The following RFX8 variants were observed in gnomAD, a reference collection of about 807,000 sequenced individuals.
RFX8 encodes the protein DNA-binding protein RFX8.
A neutral mutation model predicts 54.6 loss-of-function variants in RFX8; 46 were observed. That is an observed-to-expected ratio of 0.84 (90% CI 0.67 to 1.08). RFX8 has a LOEUF of 1.08. RFX8 is among the 50% of genes least tolerant of loss of function. The pLI, the probability that RFX8 is intolerant of heterozygous loss-of-function variation, is 0.00. For synonymous variants in RFX8, 192 were observed against 209.5 expected, an observed-to-expected ratio of 0.92 and a Z score of 0.72; for missense variants, 536 against 562.3, an observed-to-expected ratio of 0.95 and a Z score of 0.47.
At chr2:101,412,655 G>A (rs898296746) in intron 8 of RFX8, among the ~76,000 whole-genome samples, 3 of 152,158 alleles carry the variant, frequency 2.0e-5, no homozygotes, top group African/African-American at 7.2e-5. Flanking sequence ...ACACTCATCT[G>A]ATCGTTTATG....
chr2:101,405,114 TG>T (rs1685654805), intron 10 of RFX8, among the ~76,000 whole-genome samples: 1 of 151,458 alleles, frequency 6.6e-6, no homozygotes, highest in Non-Finnish European at 1.5e-5. Context: ...ATGAAGCTGG[TG>T]GGCTGAGTGG....
intron 7 of RFX8, among the ~76,000 whole-genome samples, chr2:101,413,618 C>T (rs1365761481): frequency 6.6e-6 from 1 of 152,172 alleles, no homozygotes; most frequent in African/African-American, 2.4e-5. Context: ...ACGAGTTACC[C>T]CTCCCTTTTA....
intron 11 of RFX8, 91 bp downstream of exon 11, chr2:101,402,345 T>C (rs1685481261): frequency 1.8e-6 from 2 of 1,134,032 alleles, no homozygotes; most frequent in Non-Finnish European, 2.5e-6. Context: ...TATCATTGTT[T>C]GGACAAAGTG....
chr2:101,424,701 T>C (rs1687075803), intron 2 of RFX8, among the ~76,000 whole-genome samples: 1 of 152,008 alleles, frequency 6.6e-6, no homozygotes, highest in Non-Finnish European at 1.5e-5. Context: ...AAAGGATGAG[T>C]TAATGTCCTT....
In RFX8 at chr2:101,423,571, C is replaced by T. The variant is rs368595275; in HGVS notation, c.73-1099G>A. Among the ~76,000 whole-genome samples, 20 of 152,278 alleles carry T rather than the reference C, an allele frequency of 1.3e-4. No homozygotes were observed. The South Asian group carries it at 3.7e-3, about 28-fold the overall frequency. On this transcript the variant is annotated intron_variant, in intron 2 of 11. Coordinates refer to ENST00000428343, the MANE Select transcript of RFX8 (RefSeq NM_001145664.2). ...ACGCCAGACTGTGACTTTTCATTTTCTCTCAAACCTCATGACCCGCTCTCT... is the reference window on the plus strand; with the variant it reads ...ACGCCAGACTGTGACTTTTCATTTTTTCTCAAACCTCATGACCCGCTCTCT...
At chr2:101,397,748 G>A in intron 11 of RFX8, 24 bp from the exon 12 acceptor site, 2 of 1,528,902 alleles carry the variant, frequency 1.3e-6, no homozygotes, top group Non-Finnish European at 1.8e-6. Context: ...ATGTTTTAAG[G>A]GAAAAGATAA....
chr2:101,425,470 C>T (rs1449649575), intron 2 of RFX8, among the ~76,000 whole-genome samples: 3 of 152,186 alleles, frequency 2.0e-5, no homozygotes, highest in African/African-American at 7.2e-5. Context: ...TCGAATGCTA[C>T]AGAAATGTCT....
Position 101,405,988 on chromosome 2 carries a change from T to C in RFX8, c.883A>G (p.Thr295Ala), listed in dbSNP as rs1288552090. The C allele has an allele frequency of 1.9e-6, 3 of 1,549,186 alleles. No individual in the cohort carries two copies. The highest frequency in any genetic ancestry group is 2.0e-5 in the Admixed American group (1 of 50,650). Residue 295 changes from threonine to alanine, a missense_variant, in exon 10 of 12, where the codon ACT (threonine) becomes GCT (alanine). Transcript: ENST00000428343. ...AGGGTCATGGCTTTGCTTACAGCAG[T>C]GAGAAGAAGATTCCATCTCAGCTGG... ...SFQLRWNLLL[T>A]AVSKAMTLCH... is the part of the protein sequence containing the mutation.
At chr2:101,466,934 G>A in intron 1 of RFX8, 34 bp from the exon 2 acceptor site, 1 of 968,414 alleles carries the variant, frequency 1.0e-6, no homozygotes, top group Non-Finnish European at 1.6e-6. Context: ...GAGGAAATTG[G>A]CATTTGTTTT....
chr2:101,452,265 A>C, intron 2 of RFX8: 1 of 537,020 alleles, frequency 1.9e-6, no homozygotes, highest in Non-Finnish European at 3.2e-6. Flanking sequence ...AATTGTGGAC[A>C]CTCTTTGGTA....
intron 1 of RFX8, among the ~76,000 whole-genome samples, chr2:101,470,435 T>C (rs1689913053): frequency 6.6e-6 from 1 of 152,040 alleles, no homozygotes; most frequent in African/African-American, 2.4e-5. Flanking sequence ...GCAGGTGACA[T>C]TGGTTAAGGG....
chr2:101,414,560 C>T (rs1449915318), intron 7 of RFX8, among the ~76,000 whole-genome samples: 2 of 152,106 alleles, frequency 1.3e-5, no homozygotes, highest in African/African-American at 2.4e-5. Flanking sequence ...AGGTACGAGC[C>T]CCCCACGCCT....
chr2:101,458,662 C>T (rs1689114030), intron 2 of RFX8, among the ~76,000 whole-genome samples: 1 of 152,134 alleles, frequency 6.6e-6, no homozygotes, highest in South Asian at 2.1e-4. Flanking sequence ...TCATTTCAAC[C>T]TTGGTGAATC....
At chr2:101,455,471 G>A (rs1688916871) in intron 2 of RFX8, among the ~76,000 whole-genome samples, 1 of 152,184 alleles carries the variant, frequency 6.6e-6, no homozygotes, top group Admixed American at 6.6e-5. Flanking sequence ...ATTAAATAGG[G>A]AATGCTTTCC....
rs1345566491 is a variant in RFX8 at position 101,459,997 on chromosome 2, C to G, written c.72+6780G>C. ...CGCATCCTCGCAGGTCGATCTCAGA[C>G]TGCTGCTGCACTAGCAGGGAGCAAG... On this transcript the variant is annotated intron_variant, in intron 2 of 11. Transcript: ENST00000428343. Among the ~76,000 whole-genome samples the G allele has an allele frequency of 3.3e-5, 5 of 152,326 alleles. No homozygotes were observed. In the South Asian group the frequency reaches 6.2e-4, roughly 19 times the overall value.
chr2:101,455,160 G>A (rs1325608140), intron 2 of RFX8, among the ~76,000 whole-genome samples: 3 of 151,880 alleles, frequency 2.0e-5, no homozygotes, highest in Admixed American at 6.6e-5. Context: ...ATAGGCACCC[G>A]CCACCACACT....
At chr2:101,404,584 C>T (rs893657174) in intron 10 of RFX8, among the ~76,000 whole-genome samples, 1 of 151,896 alleles carries the variant, frequency 6.6e-6, no homozygotes, top group South Asian at 2.1e-4. Context: ...GGCCACCACA[C>T]CTGGCTAATT....
chr2:101,462,344 T>G (rs975962461), intron 2 of RFX8, among the ~76,000 whole-genome samples: 4 of 152,048 alleles, frequency 2.6e-5, no homozygotes, highest in African/African-American at 4.8e-5. Flanking sequence ...GTGGGAGGCT[T>G]GCTGGAGCCC....
At position 101,440,551 on chromosome 2, in the gene RFX8, A is replaced by C. The variant is rs565978363; in HGVS notation, c.73-18079T>G. 4.6e-5 allele frequency among the ~76,000 whole-genome samples: 7 copies of C among 152,300 alleles called. No individual in the cohort carries two copies. The South Asian group carries it at 1.4e-3, about 32-fold the overall frequency. ...TGCTGCATTTCATTGCTGGGGGAGG[A>C]GTGAACTTTGTATGATCCCTCATGG... is the stretch of plus-strand genomic sequence containing the variant. On this transcript the variant is annotated intron_variant, in intron 2 of 11. Transcript: ENST00000428343.
Sources: gnomAD v4.1 joint callset for allele counts (sites outside exome capture counted in the v4.1 genomes callset) on GRCh38, gnomAD v4.1.1 for gene constraint, MANE v1.5 for transcripts, NCBI Gene and HGNC (gene_info 2026-07-23, HGNC 2026-07-21) for gene names.